FAM177A1: variants seen among roughly 807,000 people sequenced by gnomAD.
FAM177A1 encodes protein FAM177A1.
FAM177A1 carries 22 observed loss-of-function variants against 26.1 expected under a neutral mutation model. The ratio of observed to expected loss-of-function variants is 0.84; its 90% CI spans 0.60 to 1.20. FAM177A1 has a LOEUF of 1.20. Among genes scored for constraint, FAM177A1 ranks in the 50% most tolerant of loss-of-function variants. The probability of loss-of-function intolerance (pLI) is 0.00; values close to 1 mark genes in which losing one functional copy is unlikely to be tolerated. For synonymous variants in FAM177A1, 95 were observed against 99.3 expected (o/e 0.96, Z 0.26); for missense variants, 296 against 291.1 (o/e 1.02, Z -0.12).
At chr14:35,060,208 C>T (rs1386135104) in intron 2 of FAM177A1, among the ~76,000 whole-genome samples, 1 of 151,592 alleles carries the variant, frequency 6.6e-6, no homozygotes, top group African/African-American at 2.4e-5. Flanking sequence ...CTCCTGACCT[C>T]ATTTGATCCA....
At chr14:35,059,822 C>T (rs2045122041) in intron 2 of FAM177A1, among the ~76,000 whole-genome samples, 1 of 152,134 alleles carries the variant, frequency 6.6e-6, no homozygotes. Flanking sequence ...GCTGGGATTA[C>T]AGGCGTGAGC....
intron 2 of FAM177A1, among the ~76,000 whole-genome samples, chr14:35,067,925 C>A (rs1316865817): frequency 6.6e-6 from 1 of 151,982 alleles, no homozygotes; most frequent in Non-Finnish European, 1.5e-5. Context: ...TGGATATTAA[C>A]CCCTTATCAA....
At chr14:35,046,754 C>T (rs2044873276) in intron 1 of FAM177A1, 126 bp downstream of exon 1, 4 of 1,402,672 alleles carry the variant, frequency 2.9e-6, no homozygotes, top group Admixed American at 3.1e-5. Context: ...AGTTCCTCCT[C>T]ACTGCACCCC....
In FAM177A1 at chr14:35,046,285, C is replaced by T. The variant is rs1342124185; in HGVS notation, c.-179C>T. On this transcript the variant is annotated 5_prime_UTR_variant, in exon 1 of 5. Transcript: ENST00000280987. ...GTTGCGCCTCCCAGACTGCAGTTGG[C>T]CAGCTCTCGGGGTGCGGAGCCCGGC... 1 of 661,074 alleles carries T rather than the reference C, an allele frequency of 1.5e-6. No individual in the cohort carries two copies. The highest frequency in any genetic ancestry group is 3.2e-5 in the South Asian group (1 of 31,298). 41.0% of individuals were successfully genotyped at this position (661,074 alleles called of 1,614,324 possible).
intron 4 of FAM177A1, among the ~76,000 whole-genome samples, chr14:35,080,660 G>C (rs904784310): frequency 6.6e-6 from 1 of 152,056 alleles, no homozygotes; most frequent in African/African-American, 2.4e-5. Context: ...AATTAGCTGG[G>C]CGTGGTGGCA....
chr14:35,081,363 T>C lies in FAM177A1; in HGVS notation c.*135T>C. ...TTAAAGTATCTGGAAAGGGAAAATG[T>C]TTTCTTCATTTTTAGGATCTATCTA... On this transcript the variant is annotated 3_prime_UTR_variant, in exon 5 of 5. Transcript: ENST00000280987. 1.1e-6 allele frequency: 1 copy of C among 913,498 alleles called. No individual in the cohort carries two copies. The highest frequency in any genetic ancestry group is 1.5e-6 in the Non-Finnish European group (1 of 645,390). The allele number at this position is 913,498 out of a possible 1,614,324, so 56.6% of individuals were successfully genotyped here. A position where few individuals can be genotyped will look rare whatever the true frequency, so the allele number is the denominator to read the frequency against.
intron 2 of FAM177A1, among the ~76,000 whole-genome samples, chr14:35,072,675 T>C (rs1353647331): frequency 6.6e-6 from 1 of 152,194 alleles, no homozygotes; most frequent in Admixed American, 6.6e-5. Flanking sequence ...TTCTGCCAGA[T>C]TGTCTAATGT....
intron 2 of FAM177A1, among the ~76,000 whole-genome samples, chr14:35,056,866 T>G (rs933251375): frequency 1.3e-5 from 2 of 152,210 alleles, no homozygotes; most frequent in African/African-American, 2.4e-5. Flanking sequence ...TACAGTAGTA[T>G]TTCATTATGA....
At chr14:35,065,663 AT>A (rs2045230418) in intron 2 of FAM177A1, among the ~76,000 whole-genome samples, 1 of 150,828 alleles carries the variant, frequency 6.6e-6, no homozygotes, top group South Asian at 2.1e-4. Context: ...TTTTTCATTA[AT>A]GTAGACTTTG....
chr14:35,049,472 A>G (rs2044928457), intron 1 of FAM177A1, among the ~76,000 whole-genome samples: 1 of 152,132 alleles, frequency 6.6e-6, no homozygotes. Flanking sequence ...GGGAGTATAT[A>G]CAAAAAATTG....
intron 2 of FAM177A1, among the ~76,000 whole-genome samples, chr14:35,059,535 CTTTTT>C (rs767772869): frequency 1.7e-5 from 2 of 120,456 alleles, no homozygotes; most frequent in Non-Finnish European, 1.8e-5. Flanking sequence ...ATTTACATTT[CTTTTT>C]TTTTTTTTTT....
intron 4 of FAM177A1, among the ~76,000 whole-genome samples, chr14:35,079,893 TGTG>T (rs1459506666): frequency 1.3e-5 from 2 of 152,152 alleles, no homozygotes; most frequent in Non-Finnish European, 2.9e-5. Context: ...TAAGGTACAA[TGTG>T]GGAGTGACTG....
chr14:35,082,864 A>G lies in FAM177A1; in HGVS notation c.*1636A>G, dbSNP rs1595062573. 6.6e-6 allele frequency: 1 copy of G among 152,198 alleles called. No individual in the cohort carries two copies. The allele number at this position is 152,198 out of a possible 1,614,324, so 9.4% of individuals were successfully genotyped here. ...GAGTTCTTCAACTACAGGTTGAAGG[A>G]TAATTAAACTTTTCATTAGGAGTGT... On this transcript the variant is annotated 3_prime_UTR_variant, in exon 5 of 5. Transcript: ENST00000280987.
At chr14:35,070,644 G>C (rs1418736279) in intron 2 of FAM177A1, among the ~76,000 whole-genome samples, 1 of 152,110 alleles carries the variant, frequency 6.6e-6, no homozygotes, top group African/African-American at 2.4e-5. Flanking sequence ...CAAGTTAATG[G>C]ACAATCACAT....
chr14:35,056,610 A>G (rs1471866065), intron 2 of FAM177A1, among the ~76,000 whole-genome samples: 1 of 152,080 alleles, frequency 6.6e-6, no homozygotes, highest in Non-Finnish European at 1.5e-5. Context: ...CCCCTGTCTC[A>G]GCCTCCCAAA....
chr14:35,048,398 A>G (rs1595034102), intron 1 of FAM177A1, among the ~76,000 whole-genome samples: 1 of 152,196 alleles, frequency 6.6e-6, no homozygotes. Context: ...CTTGGTTAAC[A>G]AATAAGTACT....
In FAM177A1 at chr14:35,046,501, C is replaced by T; in HGVS notation, c.38C>T (p.Thr13Ile). The T allele has an allele frequency of 6.2e-7, 1 of 1,602,256 alleles. No homozygotes were observed. The highest frequency in any genetic ancestry group is 8.5e-7 in the Non-Finnish European group (1 of 1,175,918). Reference protein sequence around the residue: ...VGLPAITLFLTSASSPVVATT... With the variant: ...VGLPAITLFLISASSPVVATT... ...TTACCGGCCATTACCCTCTTTCTCA[C>T]CAGCGCCAGCAGCCCTGTGGTGGCG... Residue 13 changes from threonine (T) to isoleucine (I), a missense_variant, in exon 1 of 5, where the codon ACC becomes ATC. Coordinates refer to ENST00000280987, the MANE Select transcript of FAM177A1 (RefSeq NM_173607.5).
rs2045009483 is a variant in FAM177A1, at chr14:35,053,448, T to G, written c.336T>G (p.Asp112Glu). ...AGAAAGATGTTTTGCCTACTGTTGA[T>G]CCGGTAGGTTTGATATTGATGATTC... The part of the protein sequence containing the change: ...LEKKDVLPTV[D>E]PTKLTWGPYL... Residue 112 changes from aspartate to glutamate, a missense_variant, in exon 2 of 5, where the codon GAT becomes GAG. Asp to Glu is a conservative substitution (Grantham distance 45). Coordinates refer to ENST00000280987, the MANE Select transcript of FAM177A1 (RefSeq NM_173607.5). 6.2e-7 allele frequency: 1 copy of G among 1,613,832 alleles called. No individual in the cohort carries two copies. Among genetic ancestry groups the G allele is most frequent in the South Asian group, 1.1e-5 (1 of 91,026 alleles).
intron 2 of FAM177A1, among the ~76,000 whole-genome samples, chr14:35,067,597 A>T (rs138029711): frequency 4.6e-5 from 7 of 151,630 alleles, no homozygotes; most frequent in African/African-American, 1.2e-4. Context: ...TTTTTGAGGA[A>T]CCTCCATCCT....
Sources: gnomAD v4.1 joint callset for allele counts (sites outside exome capture counted in the v4.1 genomes callset) on GRCh38, gnomAD v4.1.1 for gene constraint, MANE v1.5 for transcripts, NCBI Gene and HGNC (gene_info 2026-07-23, HGNC 2026-07-21) for gene names.